The following PRKG1 variants were observed in gnomAD, a reference collection of about 807,000 sequenced individuals.
The protein encoded by PRKG1 is cGMP-dependent protein kinase 1.
Under a neutral mutation model 88.1 loss-of-function variants are expected in PRKG1, and 35 were observed. That is an observed-to-expected ratio of 0.40 (90% CI 0.30 to 0.53). The LOEUF (loss-of-function observed/expected upper bound fraction) is 0.53. Ranked by LOEUF, PRKG1 falls within the 20% of genes least tolerant of loss-of-function variation. The pLI, the probability that PRKG1 is intolerant of heterozygous loss-of-function variation, is 0.59. For missense variants in PRKG1, 540 were observed against 839.8 expected, an observed-to-expected ratio of 0.64 and a Z score of 4.41; for synonymous variants, 303 against 292.5, an observed-to-expected ratio of 1.04 and a Z score of -0.37.
chr10:51,020,463 A>G (rs980727697), intron 1 of PRKG1, among the ~76,000 whole-genome samples: 1 of 152,230 alleles, frequency 6.6e-6, no homozygotes, highest in African/African-American at 2.4e-5. Flanking sequence ...GGCTGCATCA[A>G]ATGAACAAAA....
intron 1 of PRKG1, among the ~76,000 whole-genome samples, chr10:51,143,443 G>A (rs903772539): frequency 6.6e-6 from 1 of 152,070 alleles, no homozygotes; most frequent in African/African-American, 2.4e-5. Flanking sequence ...CAATAAACAT[G>A]AGGTGCAGAT....
At chr10:51,638,173 A>C (rs1839706155) in intron 3 of PRKG1, among the ~76,000 whole-genome samples, 1 of 152,220 alleles carries the variant, frequency 6.6e-6, no homozygotes. Context: ...AGGAGAAATC[A>C]TATGGTCTGG....
At chr10:51,652,685 A>G (rs1840069022) in intron 3 of PRKG1, among the ~76,000 whole-genome samples, 1 of 152,210 alleles carries the variant, frequency 6.6e-6, no homozygotes, top group Non-Finnish European at 1.5e-5. Flanking sequence ...TACATTGTGG[A>G]GTGATTAAAT....
rs187206379 is a variant in PRKG1 at position 51,469,903 on chromosome 10, A to C, written c.592+2067A>C. Among the ~76,000 whole-genome samples the C allele has an allele frequency of 3.3e-5, 5 of 152,024 alleles. No individual in the cohort carries two copies. The East Asian group carries it at 9.7e-4, about 29-fold the overall frequency. On this transcript the variant is annotated intron_variant, in intron 3 of 17. Transcript: ENST00000373980. ...AGGTTTTGTGCATGAATCAGAAACA[A>C]TATCTGTGCGCAACTGTTTCTTCCA...
At chr10:51,749,693 A>C (rs989660080) in intron 3 of PRKG1, among the ~76,000 whole-genome samples, 1 of 152,166 alleles carries the variant, frequency 6.6e-6, no homozygotes, top group African/African-American at 2.4e-5. Flanking sequence ...CTTAAAACTG[A>C]TTAGACAATA....
intron 5 of PRKG1, among the ~76,000 whole-genome samples, chr10:51,927,752 C>T (rs1842610366): frequency 6.6e-6 from 1 of 152,158 alleles, no homozygotes; most frequent in African/African-American, 2.4e-5. Flanking sequence ...CAAAAGTTGA[C>T]ACTTCCCTCT....
At chr10:51,352,960 C>T (rs755762437) in intron 2 of PRKG1, among the ~76,000 whole-genome samples, 11 of 151,772 alleles carry the variant, frequency 7.2e-5, no homozygotes, top group African/African-American at 1.2e-4. Context: ...CAAAGACCAA[C>T]GGAACAGATA....
chr10:51,628,872 T>C (rs1390690677), intron 3 of PRKG1, among the ~76,000 whole-genome samples: 2 of 150,074 alleles, frequency 1.3e-5, no homozygotes, highest in Admixed American at 6.6e-5. Context: ...GGCAGGAGAA[T>C]GGCGTGAACC....
chr10:50,999,661 C>A (rs1842867861), intron 1 of PRKG1, among the ~76,000 whole-genome samples: 1 of 152,192 alleles, frequency 6.6e-6, no homozygotes, highest in Non-Finnish European at 1.5e-5. Flanking sequence ...ATTTATTCAA[C>A]TATATGGTAC....
intron 4 of PRKG1, among the ~76,000 whole-genome samples, chr10:51,905,061 C>T (rs925147851): frequency 3.3e-5 from 5 of 152,142 alleles, no homozygotes; most frequent in Non-Finnish European, 2.9e-5. Context: ...GATAGAAGCA[C>T]TCTAATTATT....
chr10:51,560,550 A>C (rs1208429731), intron 3 of PRKG1, among the ~76,000 whole-genome samples: 1 of 152,108 alleles, frequency 6.6e-6, no homozygotes, highest in Non-Finnish European at 1.5e-5. Flanking sequence ...AGTTGCAAAG[A>C]AAATACCATG....
intron 4 of PRKG1, among the ~76,000 whole-genome samples, chr10:51,858,754 C>G (rs901658353): frequency 6.6e-5 from 10 of 151,846 alleles, no homozygotes; most frequent in African/African-American, 2.4e-4. Flanking sequence ...CCTTCTTACT[C>G]TCAAAATGCT....
intron 1 of PRKG1, among the ~76,000 whole-genome samples, chr10:50,998,129 A>G (rs914136118): frequency 6.6e-6 from 1 of 152,184 alleles, no homozygotes; most frequent in African/African-American, 2.4e-5. Flanking sequence ...TACTGGATTC[A>G]GTGTTTGCCA....
At chr10:52,158,641 G>A (rs1039284877) in intron 8 of PRKG1, among the ~76,000 whole-genome samples, 4 of 151,464 alleles carry the variant, frequency 2.6e-5, no homozygotes, top group South Asian at 2.1e-4. Flanking sequence ...TTAAACTTCC[G>A]GTTATGTATA....
intron 5 of PRKG1, among the ~76,000 whole-genome samples, chr10:52,039,335 GC>G (rs753585079): frequency 6.1e-4 from 93 of 152,168 alleles, no homozygotes; most frequent in East Asian, 3.5e-3. Context: ...CAGTGGGGGT[GC>G]TTTTTGAGCC....
chr10:51,906,770 G>A (rs926727342), intron 4 of PRKG1, among the ~76,000 whole-genome samples: 1 of 152,116 alleles, frequency 6.6e-6, no homozygotes, highest in East Asian at 1.9e-4. Context: ...AGGGGATTCT[G>A]TATAGAATGT....
intron 5 of PRKG1, among the ~76,000 whole-genome samples, chr10:51,952,102 G>T (rs1298004770): frequency 2.0e-5 from 3 of 152,104 alleles, no homozygotes; most frequent in African/African-American, 7.2e-5. Context: ...TTACTATCTG[G>T]CTCTTTACAG....
intron 5 of PRKG1, chr10:51,908,734 A>ATATATATATTTATATTTTT (rs563212069): frequency 1.9e-5 from 1 of 52,222 alleles, no homozygotes; most frequent in East Asian, 3.4e-4. Context: ...TCTATATGTA[A>ATATATATATTTATATTTTT]TTTTTTTTTT....
chr10:51,913,845 G>C (rs1318165847), intron 5 of PRKG1, among the ~76,000 whole-genome samples: 1 of 152,140 alleles, frequency 6.6e-6, no homozygotes, highest in Non-Finnish European at 1.5e-5. Flanking sequence ...TAAAATAGGA[G>C]TTTTAGGTGC....
Sources: gnomAD v4.1 joint callset for allele counts (sites outside exome capture counted in the v4.1 genomes callset) on GRCh38, gnomAD v4.1.1 for gene constraint, MANE v1.5 for transcripts, NCBI Gene and HGNC (gene_info 2026-07-23, HGNC 2026-07-21) for gene names.